Variants in FAM120A observed in about 807,000 individuals in gnomAD.
FAM120A encodes constitutive coactivator of PPAR-gamma-like protein 1.
Under a neutral mutation model 109.7 loss-of-function variants are expected in FAM120A, and 15 were observed. The ratio of observed to expected loss-of-function variants is 0.14; its 90% confidence interval spans 0.09 to 0.21. The LOEUF (loss-of-function observed/expected upper bound fraction) is 0.21, where lower values mean the gene tolerates loss of function less well. FAM120A is among the 10% of genes least tolerant of loss of function. The pLI, the probability that FAM120A is intolerant of heterozygous loss-of-function variation, is 1.00. For synonymous variants in FAM120A, 493 were observed against 572.8 expected (o/e 0.86, Z 1.99); for missense variants, 899 against 1,439.3 (o/e 0.62, Z 6.07).
chr9:93,454,112 C>T (rs1051919617), intron 1 of FAM120A, among the ~76,000 whole-genome samples: 1 of 152,156 alleles, frequency 6.6e-6, no homozygotes, highest in Non-Finnish European at 1.5e-5. Flanking sequence ...GAATTCAGAC[C>T]AATGTGTCAG....
chr9:93,453,283 G>A (rs1343697589), intron 1 of FAM120A: 2 of 987,566 alleles, frequency 2.0e-6, no homozygotes, highest in African/African-American at 3.5e-5. Flanking sequence ...GGCCTCCTCT[G>A]GCCCTTTGGC....
chr9:93,492,632 G>A (rs117285784), intron 3 of FAM120A, among the ~76,000 whole-genome samples: 2,857 of 152,288 alleles, frequency 0.019, 34 homozygotes, highest in Non-Finnish European at 0.031. Flanking sequence ...AGGGAAGCAA[G>A]CTTCTCTGCA....
chr9:93,515,005 AATG>A (rs1204041735), intron 5 of FAM120A, among the ~76,000 whole-genome samples: 2 of 152,232 alleles, frequency 1.3e-5, no homozygotes, highest in Non-Finnish European at 2.9e-5. Context: ...GTAGCGTGGG[AATG>A]ATGACTAGCA....
chr9:93,564,987 TTTGA>T lies in FAM120A; in HGVS notation c.*450_*453del, dbSNP rs1389732115. 6.5e-6 allele frequency: 1 copy of T among 153,060 alleles called. No homozygotes were observed. The highest frequency in any genetic ancestry group is 1.5e-5 in the Non-Finnish European group (1 of 68,370). 9.5% of individuals were successfully genotyped at this position (153,060 alleles called of 1,614,324 possible). A position where few individuals can be genotyped will look rare whatever the true frequency, so the allele number is the denominator to read the frequency against. On this transcript the variant is annotated 3_prime_UTR_variant, in exon 18 of 18. Coordinates refer to ENST00000277165, the MANE Select transcript of FAM120A (RefSeq NM_014612.5). ...TTCACAATGAAGCTTTCTTTAAGGC[TTTGA>T]TTTTTATGATTATGAAAGAAATAAG...
intron 15 of FAM120A, 111 bp downstream of exon 15, chr9:93,558,829 C>A: frequency 2.3e-6 from 3 of 1,288,218 alleles, no homozygotes; most frequent in East Asian, 2.5e-5. Flanking sequence ...TCCAGCAGAA[C>A]GGCCTTTCTT....
chr9:93,561,026 A>G, intron 15 of FAM120A, 83 bp from the exon 16 acceptor site: 2 of 1,494,164 alleles, frequency 1.3e-6, no homozygotes, highest in Non-Finnish European at 1.8e-6. Flanking sequence ...CAAAACTGAA[A>G]AGAAGTTTCT....
At chr9:93,499,185 A>C (rs1859696313) in intron 5 of FAM120A, among the ~76,000 whole-genome samples, 1 of 152,000 alleles carries the variant, frequency 6.6e-6, no homozygotes, top group Non-Finnish European at 1.5e-5. Flanking sequence ...TTCTAAATAC[A>C]GAATTGCCTG....
intron 7 of FAM120A, chr9:93,523,496 T>G: frequency 2.9e-6 from 1 of 343,564 alleles, no homozygotes; most frequent in Non-Finnish European, 5.3e-6. Context: ...TTCTAATATC[T>G]TCTCATAAAA....
At chr9:93,522,424 C>G (rs12377707) in intron 7 of FAM120A, among the ~76,000 whole-genome samples, 42,441 of 152,032 alleles carry the variant, frequency 0.28, 6,993 homozygotes, top group East Asian at 0.42. Flanking sequence ...GGGAGAGTAA[C>G]TTGCCCTTTT....
At chr9:93,486,146 A>AT (rs995752256) in intron 3 of FAM120A, among the ~76,000 whole-genome samples, 65 of 144,998 alleles carry the variant, frequency 4.5e-4, no homozygotes, top group Admixed American at 1.1e-3. Context: ...CTAATGTTTT[A>AT]TTTTTTTTTT....
intron 10 of FAM120A, among the ~76,000 whole-genome samples, chr9:93,535,173 C>T (rs768171733): frequency 2.0e-5 from 3 of 152,132 alleles, no homozygotes; most frequent in African/African-American, 7.2e-5. Context: ...CGGTTTGGTG[C>T]GTCAGAAAAT....
At position 93,522,007 on chromosome 9, in the gene FAM120A, G is replaced by T. The variant is rs1403265400; in HGVS notation, c.1419-5148G>T. 2.0e-5 allele frequency among the ~76,000 whole-genome samples: 3 copies of T among 152,184 alleles called. No individual in the cohort carries two copies. The East Asian group carries it at 5.8e-4, about 29-fold the overall frequency. On this transcript the variant is annotated intron_variant, in intron 7 of 17. Coordinates refer to ENST00000277165, the MANE Select transcript of FAM120A (RefSeq NM_014612.5). ...AGGTAGGAGAATTGCTTGAACCTGG[G>T]AGGTGGAGGTTGCAATGAGCCGAGA...
At chr9:93,501,701 G>A (rs1340365256) in intron 5 of FAM120A, among the ~76,000 whole-genome samples, 2 of 152,176 alleles carry the variant, frequency 1.3e-5, no homozygotes, top group Admixed American at 1.3e-4. Context: ...TAAGATGACG[G>A]GTATGCAGTC....
intron 3 of FAM120A, among the ~76,000 whole-genome samples, chr9:93,483,665 C>T (rs1275455735): frequency 1.3e-5 from 2 of 152,070 alleles, no homozygotes; most frequent in African/African-American, 4.8e-5. Flanking sequence ...ATATTTGATC[C>T]TTCGAAGTGT....
chr9:93,466,255 A>G (rs1016059733), intron 1 of FAM120A, among the ~76,000 whole-genome samples: 2 of 152,068 alleles, frequency 1.3e-5, no homozygotes, highest in African/African-American at 4.8e-5. Context: ...CTGTAGGGAA[A>G]ATGTGTCTCT....
intron 3 of FAM120A, among the ~76,000 whole-genome samples, chr9:93,482,184 A>ATTTTT (rs386415495): frequency 0.22 from 25,251 of 116,672 alleles, 2,632 homozygotes; most frequent in East Asian, 0.35. Flanking sequence ...ATTCACCTCC[A>ATTTTT]TTTTTTTTTT....
intron 11 of FAM120A, 98 bp from the exon 12 acceptor site, chr9:93,550,479 A>C: frequency 1.2e-6 from 1 of 826,796 alleles, no homozygotes; most frequent in Non-Finnish European, 2.1e-6. Flanking sequence ...TTCTTAGCTC[A>C]CATCATCCGG....
intron 3 of FAM120A, among the ~76,000 whole-genome samples, chr9:93,495,344 A>G (rs10992759): frequency 0.28 from 42,553 of 152,180 alleles, 7,036 homozygotes; most frequent in East Asian, 0.44. Flanking sequence ...CAACAAAATA[A>G]CAGTAACCTA....
chr9:93,529,357 A>C lies in FAM120A; in HGVS notation c.1511A>C (p.Glu504Ala). 1.2e-6 allele frequency: 2 copies of C among 1,601,990 alleles called. No homozygotes were observed. Among genetic ancestry groups the C allele is most frequent in the South Asian group, 2.2e-5 (2 of 88,914 alleles). Residue 504 changes from glutamate to alanine, a missense_variant, in exon 9 of 18, where the codon GAA (glutamate) becomes GCA (alanine). Coordinates refer to ENST00000277165, the MANE Select transcript of FAM120A (RefSeq NM_014612.5). Reference sequence around the variant, plus strand: ...CTTCTGCTCTCTGCACTGTAGGCAGAAGGCTCGTCCACTGCCTCTTCAGGA... The same window carrying C: ...CTTCTGCTCTCTGCACTGTAGGCAGCAGGCTCGTCCACTGCCTCTTCAGGA... ...RGDPGDQTKA[E>A]GSSTASSGSQ...
Sources: gnomAD v4.1 joint callset for allele counts (sites outside exome capture counted in the v4.1 genomes callset) on GRCh38, gnomAD v4.1.1 for gene constraint, MANE v1.5 for transcripts, NCBI Gene and HGNC (gene_info 2026-07-23, HGNC 2026-07-21) for gene names.